CSMD1: variants seen among roughly 807,000 people sequenced by gnomAD.
CSMD1 encodes CUB and Sushi multiple domains 1, also known as CUB and sushi domain-containing protein 1.
CSMD1 carries 213 observed loss-of-function variants against 417.5 expected under a neutral mutation model. That is an observed-to-expected ratio of 0.51 (90% CI 0.46 to 0.57). The LOEUF (loss-of-function observed/expected upper bound fraction) is 0.57, where lower values mean the gene tolerates loss of function less well. Ranked by LOEUF, CSMD1 falls within the 20% of genes least tolerant of loss-of-function variation. CSMD1 has a pLI of 0.00. For synonymous variants in CSMD1, 2,862 were observed against 1,736.8 expected, an observed-to-expected ratio of 1.65 and a Z score of -16.11; for missense variants, 6,923 against 4,529.7, an observed-to-expected ratio of 1.53 and a Z score of -15.17.
chr8:4,550,329 G>GCA (rs35196172), intron 2 of CSMD1, among the ~76,000 whole-genome samples: 3,604 of 139,584 alleles, frequency 0.026, 69 homozygotes, highest in African/African-American at 0.054. Context: ...ATACACACAC[G>GCA]CACACACACA....
intron 3 of CSMD1, among the ~76,000 whole-genome samples, chr8:4,328,775 C>T (rs888780357): frequency 6.6e-6 from 1 of 152,148 alleles, no homozygotes; most frequent in Admixed American, 6.6e-5. Flanking sequence ...AGTTAGCAAT[C>T]TGACAAAGTA....
Position 3,142,996 on chromosome 8 carries a change from G to A in CSMD1, c.6032-322C>T, listed in dbSNP as rs540818146. Among the ~76,000 whole-genome samples the A allele has an allele frequency of 2.6e-5, 4 of 152,276 alleles. No individual in the cohort carries two copies. In the East Asian group the frequency reaches 5.8e-4, roughly 22 times the overall value. ...GGTAACAACTAGCACACACGCACTC[G>A]GGGATGATTTTGTCCGGTGACTTTT... On this transcript the variant is annotated intron_variant, in intron 40 of 69. Coordinates refer to ENST00000635120, the MANE Select transcript of CSMD1 (RefSeq NM_033225.6).
At chr8:3,706,786 C>T (rs575715277) in intron 7 of CSMD1, among the ~76,000 whole-genome samples, 2 of 152,106 alleles carry the variant, frequency 1.3e-5, no homozygotes, top group East Asian at 3.9e-4. Flanking sequence ...ACTGTAAATA[C>T]TATATCTCCC....
Position 4,584,516 on chromosome 8 carries a change from C to A in CSMD1, c.302+52826G>T, listed in dbSNP as rs542754970. On this transcript the variant is annotated intron_variant, in intron 2 of 69. Transcript: ENST00000635120. ...TCTGGGAAAGGGCTCTCTAACAACC[C>A]CCAACTCTTCGGAGTTGGGACCGTT... Among the ~76,000 whole-genome samples, 3 of 152,228 alleles carry A rather than the reference C, an allele frequency of 2.0e-5. No homozygotes were observed. In the East Asian group the frequency reaches 5.8e-4, roughly 30 times the overall value.
intron 3 of CSMD1, among the ~76,000 whole-genome samples, chr8:4,278,594 G>A (rs1024298751): frequency 6.6e-6 from 1 of 152,160 alleles, no homozygotes. Flanking sequence ...TTTAGAAAAT[G>A]ATTAAATAAA....
chr8:4,561,932 G>A (rs899883514), intron 2 of CSMD1, among the ~76,000 whole-genome samples: 1 of 152,114 alleles, frequency 6.6e-6, no homozygotes, highest in Non-Finnish European at 1.5e-5. Flanking sequence ...CAAAGGCCAG[G>A]CGTTTAGACA....
At chr8:3,201,779 G>A in intron 31 of CSMD1, 54 bp from the exon 32 acceptor site, 2 of 1,056,820 alleles carry the variant, frequency 1.9e-6, no homozygotes, top group Non-Finnish European at 2.8e-6. Context: ...AAACAAAATG[G>A]AGATTTTTGA....
chr8:4,806,267 G>A (rs781264326), intron 1 of CSMD1, among the ~76,000 whole-genome samples: 1 of 152,072 alleles, frequency 6.6e-6, no homozygotes, highest in Non-Finnish European at 1.5e-5. Context: ...GCACATGCTC[G>A]GAGACCTGAC....
intron 3 of CSMD1, among the ~76,000 whole-genome samples, chr8:4,403,178 T>C (rs1025814497): frequency 2.6e-5 from 4 of 152,178 alleles, no homozygotes; most frequent in African/African-American, 9.6e-5. Flanking sequence ...AAGACATTAG[T>C]CTGATTACTG....
Position 3,872,777 on chromosome 8 carries a change from C to T in CSMD1, c.819-118735G>A, listed in dbSNP as rs988023059. 9.3e-5 allele frequency among the ~76,000 whole-genome samples: 14 copies of T among 150,796 alleles called. No individual in the cohort carries two copies. The East Asian group carries it at 1.6e-3, about 17-fold the overall frequency. On this transcript the variant is annotated intron_variant, in intron 5 of 69. Transcript: ENST00000635120. ...AGAAATTTTTTGCAAACTACCCATC[C>T]GACAAAGATCTAATATCCAGCATTT... is the stretch of plus-strand genomic sequence containing the variant.
At chr8:3,430,788 C>T (rs550136866) in intron 12 of CSMD1, among the ~76,000 whole-genome samples, 28 of 152,236 alleles carry the variant, frequency 1.8e-4, no homozygotes, top group Non-Finnish European at 3.5e-4. Flanking sequence ...GCCTGGGTAA[C>T]AGAACGAGAC....
At chr8:4,749,637 T>C (rs1235470482) in intron 1 of CSMD1, among the ~76,000 whole-genome samples, 1 of 152,244 alleles carries the variant, frequency 6.6e-6, no homozygotes, top group African/African-American at 2.4e-5. Context: ...GTCAAAAGTT[T>C]CACTTTAATA....
At chr8:3,682,978 T>C (rs956038303) in intron 7 of CSMD1, among the ~76,000 whole-genome samples, 2 of 151,980 alleles carry the variant, frequency 1.3e-5, no homozygotes, top group East Asian at 3.9e-4. Flanking sequence ...TTGTCACTCA[T>C]ACGTGGGAAC....
At chr8:4,343,210 A>T (rs1391396540) in intron 3 of CSMD1, among the ~76,000 whole-genome samples, 2 of 152,136 alleles carry the variant, frequency 1.3e-5, no homozygotes, top group Non-Finnish European at 2.9e-5. Context: ...GAGCATAAAA[A>T]GCACATATGA....
At chr8:4,855,324 C>G (rs1394785401) in intron 1 of CSMD1, among the ~76,000 whole-genome samples, 3 of 152,050 alleles carry the variant, frequency 2.0e-5, no homozygotes, top group African/African-American at 4.8e-5. Flanking sequence ...AAAAACAGAA[C>G]AGAAAAACTG....
rs528937389 is a variant in CSMD1 at position 3,788,705 on chromosome 8, C to T, written c.819-34663G>A. 9.2e-5 allele frequency among the ~76,000 whole-genome samples: 14 copies of T among 152,288 alleles called. 1 individual carries two copies. In the South Asian group the frequency reaches 2.7e-3, roughly 29 times the overall value. ...TCCATCTACAGACACAGTTATGAGT[C>T]TAAGTAGCCATTCAGAGATTAGAAA... On this transcript the variant is annotated intron_variant, in intron 5 of 69. Coordinates refer to ENST00000635120, the MANE Select transcript of CSMD1 (RefSeq NM_033225.6).
At chr8:3,262,511 C>T (rs536383477) in intron 26 of CSMD1, among the ~76,000 whole-genome samples, 1 of 150,242 alleles carries the variant, frequency 6.7e-6, no homozygotes, top group Admixed American at 6.7e-5. Context: ...CCAAGAGGCG[C>T]TATAAATGCT....
chr8:4,612,981 G>A (rs1177637318), intron 2 of CSMD1, among the ~76,000 whole-genome samples: 2 of 152,114 alleles, frequency 1.3e-5, no homozygotes, highest in Admixed American at 6.5e-5. Context: ...AACAGTCCCT[G>A]CAAAACTGAT....
At chr8:2,946,742 G>T (rs779094328) in intron 68 of CSMD1, among the ~76,000 whole-genome samples, 2 of 151,984 alleles carry the variant, frequency 1.3e-5, no homozygotes, top group African/African-American at 4.8e-5. Flanking sequence ...CAGTTCTTTT[G>T]GCTACCCATG....
Sources: allele counts gnomAD v4.1 joint callset (sites outside exome capture counted in the v4.1 genomes callset), GRCh38; gene constraint gnomAD v4.1.1; transcripts MANE v1.5; gene names NCBI Gene and HGNC (gene_info 2026-07-23, HGNC 2026-07-21).